SYNPR: variants seen among roughly 807,000 people sequenced by gnomAD.
SYNPR encodes the protein synaptoporin.
In SYNPR, 23 loss-of-function variants were observed where a neutral mutation model predicts 32.9. That is an observed-to-expected ratio of 0.70 (90% CI 0.50 to 0.99). SYNPR has a LOEUF of 0.99. Ranked by LOEUF, SYNPR falls within the 50% of genes least tolerant of loss-of-function variation. The pLI is 0.00. For missense variants in SYNPR, 318 were observed against 349.3 expected (o/e 0.91, Z 0.71); for synonymous variants, 146 against 135.9 (o/e 1.07, Z -0.52).
At chr3:63,277,266 G>T (rs2086583473), upstream of SYNPR, among the ~76,000 whole-genome samples, 1 of 152,084 alleles carries the variant, frequency 6.6e-6, no homozygotes, top group Non-Finnish European at 1.5e-5. Context: ...TAACTTATGG[G>T]GGTTTGTGAA....
At chr3:63,313,706 T>TATATATATCC (rs1553866723) in intron 2 of SYNPR, among the ~76,000 whole-genome samples, 2 of 31,282 alleles carry the variant, frequency 6.4e-5, no homozygotes, top group South Asian at 1.2e-3. Flanking sequence ...TATATATCCA[T>TATATATATCC]ATATATATAT....
At chr3:63,517,860 C>T (rs1345948354) in intron 3 of SYNPR, among the ~76,000 whole-genome samples, 1 of 152,130 alleles carries the variant, frequency 6.6e-6, no homozygotes, top group Non-Finnish European at 1.5e-5. Context: ...TTACTGGATA[C>T]ATTCTCTGTC....
At chr3:63,424,160 T>C in intron 2 of SYNPR, among the ~76,000 whole-genome samples, 1 of 152,196 alleles carries the variant, frequency 6.6e-6, no homozygotes. Flanking sequence ...TTGTGTCAAA[T>C]GTACCCTAGT....
At chr3:63,551,772 C>G (rs1702504862) in intron 3 of SYNPR, among the ~76,000 whole-genome samples, 1 of 152,184 alleles carries the variant, frequency 6.6e-6, no homozygotes, top group African/African-American at 2.4e-5. Context: ...TCAGATTCCT[C>G]TCAGAAAACC....
chr3:63,457,499 G>T (rs1428357107), intron 2 of SYNPR, among the ~76,000 whole-genome samples: 2 of 152,186 alleles, frequency 1.3e-5, no homozygotes, highest in African/African-American at 2.4e-5. Context: ...TTCAGGATTT[G>T]TCTTGCATCT....
Position 63,609,139 on chromosome 3 carries a change from T to G in SYNPR, c.423T>G (p.Thr141=). The part of the protein sequence containing the change: ...NRGPLIDFIV[T]VVFSFLWLVG... ...TGTTTCTGTAGGACTTCATTGTCACTGTAGTCTTTTCGTTCTTGTGGTTGG... is the reference window on the plus strand; with the variant it reads ...TGTTTCTGTAGGACTTCATTGTCACGGTAGTCTTTTCGTTCTTGTGGTTGG... Residue 141 remains threonine, a synonymous_variant, in exon 5 of 6, where the codon ACT becomes ACG. Transcript: ENST00000478300. 1.2e-6 allele frequency: 2 copies of G among 1,608,746 alleles called. No individual in the cohort carries two copies. The highest frequency in any genetic ancestry group is 1.7e-6 in the Non-Finnish European group (2 of 1,177,354).
intron 2 of SYNPR, among the ~76,000 whole-genome samples, chr3:63,426,082 G>C (rs113715068): frequency 6.6e-6 from 1 of 152,074 alleles, no homozygotes; most frequent in Non-Finnish European, 1.5e-5. Flanking sequence ...ACAATGCCCC[G>C]CCAGAAATAC....
intron 2 of SYNPR, among the ~76,000 whole-genome samples, chr3:63,280,375 C>T (rs1222406622): frequency 2.0e-5 from 3 of 152,042 alleles, no homozygotes; most frequent in Non-Finnish European, 2.9e-5. Flanking sequence ...GAGCTCCCTG[C>T]GTAACTCTTA....
At chr3:63,317,308 C>T (rs2087053633) in intron 2 of SYNPR, among the ~76,000 whole-genome samples, 1 of 151,584 alleles carries the variant, frequency 6.6e-6, no homozygotes, top group Non-Finnish European at 1.5e-5. Context: ...ATTTTGTTGA[C>T]CTGTCTAGTG....
intron 4 of SYNPR, among the ~76,000 whole-genome samples, chr3:63,603,439 C>T (rs897990796): frequency 2.0e-5 from 3 of 152,212 alleles, no homozygotes; most frequent in African/African-American, 7.2e-5. Context: ...AAGGGGAATA[C>T]TTCTAGCTTT....
intron 3 of SYNPR, among the ~76,000 whole-genome samples, chr3:63,481,911 C>A (rs989978669): frequency 6.6e-6 from 1 of 152,148 alleles, no homozygotes; most frequent in South Asian, 2.1e-4. Context: ...ATAAGCTCGG[C>A]ATGGCTTCTA....
At chr3:63,585,117 C>T (rs1047947115) in intron 4 of SYNPR, among the ~76,000 whole-genome samples, 167 of 152,190 alleles carry the variant, frequency 1.1e-3, no homozygotes, top group African/African-American at 3.9e-3. Context: ...GGCAGGGAGC[C>T]TACACTCCTA....
At chr3:63,338,203 A>G (rs1305216181) in intron 2 of SYNPR, among the ~76,000 whole-genome samples, 1 of 152,208 alleles carries the variant, frequency 6.6e-6, no homozygotes, top group African/African-American at 2.4e-5. Flanking sequence ...TTATTTGTTT[A>G]AAGGAATCTA....
rs546845696 is a variant in SYNPR at position 63,570,384 on chromosome 3, C to T, written c.408+13643C>T. 3.9e-5 allele frequency among the ~76,000 whole-genome samples: 6 copies of T among 152,304 alleles called. No individual in the cohort carries two copies. In the East Asian group the frequency reaches 1.2e-3, roughly 29 times the overall value. On this transcript the variant is annotated intron_variant, in intron 4 of 5. Coordinates refer to ENST00000478300, the MANE Select transcript of SYNPR (RefSeq NM_001130003.2). ...GGCTTATAGAAATAAAACGTCTCTC[C>T]TCACATCAGCATTCAAGGCCCTCCT...
chr3:63,457,583 T>C (rs180980311), intron 2 of SYNPR, among the ~76,000 whole-genome samples: 1 of 152,258 alleles, frequency 6.6e-6, no homozygotes, highest in East Asian at 1.9e-4. Flanking sequence ...CTGATTTTAT[T>C]ATTTAGATAA....
intron 2 of SYNPR, among the ~76,000 whole-genome samples, chr3:63,295,193 C>T (rs7648834): frequency 0.45 from 68,863 of 151,978 alleles, 15,788 homozygotes; most frequent in Middle Eastern, 0.52. Flanking sequence ...TGGGCTATGT[C>T]GGCCTCCCTG....
chr3:63,245,477 ATAT>A (rs1251933899), intron 1 of SYNPR, among the ~76,000 whole-genome samples: 1 of 151,992 alleles, frequency 6.6e-6, no homozygotes, highest in Non-Finnish European at 1.5e-5. Context: ...GATAGAAAAT[ATAT>A]TATTTTCAGT....
intron 3 of SYNPR, among the ~76,000 whole-genome samples, chr3:63,507,866 C>A (rs1377941785): frequency 2.7e-5 from 4 of 148,398 alleles, no homozygotes; most frequent in African/African-American, 1.0e-4. Flanking sequence ...CAACACTGAC[C>A]TATAGAAACA....
intron 2 of SYNPR, among the ~76,000 whole-genome samples, chr3:63,377,929 T>C (rs1345913454): frequency 1.3e-5 from 2 of 151,964 alleles, no homozygotes; most frequent in African/African-American, 2.4e-5. Flanking sequence ...TAAGAAGTTG[T>C]ATTGGTTCAG....
Sources: allele counts gnomAD v4.1 joint callset (sites outside exome capture counted in the v4.1 genomes callset), GRCh38; gene constraint gnomAD v4.1.1; transcripts MANE v1.5; gene names NCBI Gene and HGNC (gene_info 2026-07-23, HGNC 2026-07-21).